FSTL5: variants seen among roughly 807,000 people sequenced by gnomAD.
FSTL5 encodes the protein follistatin-related protein 5.
FSTL5 carries 62 observed loss-of-function variants against 89.1 expected under a neutral mutation model. The ratio of observed to expected loss-of-function variants is 0.70; its 90% CI spans 0.57 to 0.86. The LOEUF (loss-of-function observed/expected upper bound fraction) is 0.86. FSTL5 is among the 40% of genes least tolerant of loss of function. The pLI is 0.00. For synonymous variants in FSTL5, 383 were observed against 346.2 expected, an observed-to-expected ratio of 1.11 and a Z score of -1.18; for missense variants, 1,057 against 1,001.6, an observed-to-expected ratio of 1.06 and a Z score of -0.75.
intron 3 of FSTL5, among the ~76,000 whole-genome samples, chr4:161,924,908 T>C (rs1430111656): frequency 6.6e-6 from 1 of 151,850 alleles, no homozygotes; most frequent in Admixed American, 6.6e-5. Flanking sequence ...ATGTTTTATG[T>C]TAAAGTAAAA....
intron 13 of FSTL5, among the ~76,000 whole-genome samples, chr4:161,466,345 T>C (rs1158049630): frequency 1.3e-5 from 2 of 152,142 alleles, no homozygotes; most frequent in Admixed American, 1.3e-4. Flanking sequence ...ACAAGTTGTA[T>C]CAACTTCTAA....
chr4:161,967,357 CA>C (rs1405609054), intron 3 of FSTL5, among the ~76,000 whole-genome samples: 1 of 148,312 alleles, frequency 6.7e-6, no homozygotes, highest in African/African-American at 2.5e-5. Context: ...TCAAAAGAAC[CA>C]ATATTTTACT....
intron 10 of FSTL5, among the ~76,000 whole-genome samples, chr4:161,510,840 T>C (rs1730627742): frequency 3.3e-5 from 5 of 151,852 alleles, no homozygotes; most frequent in Admixed American, 3.3e-4. Context: ...TCACAATATA[T>C]ATTTTCACAT....
At chr4:161,489,474 T>A (rs1729792088) in intron 12 of FSTL5, among the ~76,000 whole-genome samples, 1 of 152,200 alleles carries the variant, frequency 6.6e-6, no homozygotes, top group Non-Finnish European at 1.5e-5. Context: ...CTACTAGATG[T>A]ATATCAGTAA....
intron 15 of FSTL5, among the ~76,000 whole-genome samples, chr4:161,420,376 C>T (rs1731940113): frequency 6.6e-6 from 1 of 152,060 alleles, no homozygotes; most frequent in Admixed American, 6.5e-5. Flanking sequence ...GAAAATGTGC[C>T]TGTATGTAAG....
At chr4:161,591,411 T>A (rs146972037) in intron 7 of FSTL5, among the ~76,000 whole-genome samples, 1 of 152,206 alleles carries the variant, frequency 6.6e-6, no homozygotes, top group Non-Finnish European at 1.5e-5. Flanking sequence ...ATTTTGCTAA[T>A]ATACTAGAAA....
intron 2 of FSTL5, among the ~76,000 whole-genome samples, chr4:162,053,730 G>T (rs1251706756): frequency 6.6e-6 from 1 of 151,626 alleles, no homozygotes; most frequent in African/African-American, 2.4e-5. Flanking sequence ...ATATATTCTA[G>T]AAAAATACAT....
intron 9 of FSTL5, among the ~76,000 whole-genome samples, chr4:161,541,082 G>T (rs1257294585): frequency 6.6e-6 from 1 of 151,934 alleles, no homozygotes; most frequent in Non-Finnish European, 1.5e-5. Context: ...TCTGGACTTG[G>T]ACTTCACACA....
chr4:161,672,954 T>C (rs1201831243), intron 6 of FSTL5, among the ~76,000 whole-genome samples: 1 of 152,022 alleles, frequency 6.6e-6, no homozygotes, highest in Non-Finnish European at 1.5e-5. Flanking sequence ...GCCTTGAAAC[T>C]GCAGGTCTTT....
At chr4:161,639,932 G>C (rs72687597) in intron 7 of FSTL5, among the ~76,000 whole-genome samples, 36,831 of 151,918 alleles carry the variant, frequency 0.24, 5,131 homozygotes, top group African/African-American at 0.38. Context: ...ATAATTTAAA[G>C]GGTCAGTGCC....
At chr4:161,662,268 T>C (rs113543235) in intron 6 of FSTL5, among the ~76,000 whole-genome samples, 142 of 152,250 alleles carry the variant, frequency 9.3e-4, no homozygotes, top group African/African-American at 3.0e-3. Context: ...GTATTTACAA[T>C]ACCCAGAAAA....
chr4:161,526,653 C>A (rs1353076799), intron 10 of FSTL5, among the ~76,000 whole-genome samples: 1 of 152,146 alleles, frequency 6.6e-6, no homozygotes, highest in Non-Finnish European at 1.5e-5. Context: ...CCAGTTTCAG[C>A]TTTCTACATA....
intron 10 of FSTL5, among the ~76,000 whole-genome samples, chr4:161,518,653 G>T (rs1282324959): frequency 2.6e-5 from 4 of 151,994 alleles, no homozygotes; most frequent in Non-Finnish European, 4.4e-5. Flanking sequence ...TCCACGACAA[G>T]GTAAGAATTG....
intron 3 of FSTL5, among the ~76,000 whole-genome samples, chr4:161,930,311 G>A (rs1334219475): frequency 3.3e-5 from 5 of 151,726 alleles, no homozygotes; most frequent in African/African-American, 1.2e-4. Context: ...TAGAGTCAAT[G>A]ATTAACAATG....
intron 8 of FSTL5, among the ~76,000 whole-genome samples, chr4:161,580,175 C>A (rs189284835): frequency 6.6e-6 from 1 of 152,220 alleles, no homozygotes; most frequent in Non-Finnish European, 1.5e-5. Context: ...CTCTGAAGAA[C>A]TCTATTGAAC....
intron 3 of FSTL5, among the ~76,000 whole-genome samples, chr4:162,000,878 G>A (rs142061532): frequency 5.3e-4 from 81 of 152,184 alleles, no homozygotes; most frequent in African/African-American, 1.6e-3. Flanking sequence ...ATGGGAGAGA[G>A]AAGAAGGGAT....
At position 161,776,019 on chromosome 4, in the gene FSTL5, T is replaced by C. The variant is rs1741396902; in HGVS notation, c.465A>G (p.Leu155=). 6.3e-7 allele frequency: 1 copy of C among 1,593,922 alleles called. No individual in the cohort carries two copies. Among genetic ancestry groups the C allele is most frequent in the East Asian group, 2.3e-5 (1 of 44,392 alleles). The change falls in exon 5 of 16, where the codon TTA becomes TTG. Residue 155 remains leucine, a synonymous_variant. Transcript: ENST00000306100. ...CTTGCATAATATATTTTTGATTTTG[T>C]AAATCTAATAGCATATTTTTCATCT... ...YSKMKNMLLD[L]QNQKYIMQEN...
At chr4:161,560,325 T>C (rs1303604387) in intron 8 of FSTL5, among the ~76,000 whole-genome samples, 1 of 151,898 alleles carries the variant, frequency 6.6e-6, no homozygotes, top group Non-Finnish European at 1.5e-5. Context: ...ATGTGGTGAG[T>C]GAATATAGAG....
Position 161,855,003 on chromosome 4 carries a change from G to GTT in FSTL5, c.409+65399_409+65400dup, listed in dbSNP as rs1221548568. 0.016 allele frequency among the ~76,000 whole-genome samples: 259 copies of GTT among 16,030 alleles called. 2 individuals carry two copies. In the East Asian group the frequency reaches 0.2, roughly 12 times the overall value. 10.5% of individuals were successfully genotyped at this position (16,030 alleles called of 152,430 possible). Reference sequence around the variant, plus strand: ...GATATTTTGAGGATATGGTTGAGAGGTTTTTTTTTTTTTTTTTTTTGCTTT... The same window carrying GTT: ...GATATTTTGAGGATATGGTTGAGAGGTTTTTTTTTTTTTTTTTTTTTTGCTTT... On this transcript the variant is annotated intron_variant, in intron 4 of 15. Coordinates refer to ENST00000306100, the MANE Select transcript of FSTL5 (RefSeq NM_020116.5).
Sources: allele counts gnomAD v4.1 joint callset (sites outside exome capture counted in the v4.1 genomes callset), GRCh38; gene constraint gnomAD v4.1.1; transcripts MANE v1.5; gene names NCBI Gene and HGNC (gene_info 2026-07-23, HGNC 2026-07-21).